LGR5: variants seen among roughly 807,000 people sequenced by gnomAD.
LGR5 encodes the protein leucine rich repeat containing G protein-coupled receptor 5, also known as leucine-rich repeat-containing G protein-coupled receptor 5.
LGR5 carries 54 observed loss-of-function variants against 76.7 expected under a neutral mutation model. That is an observed-to-expected ratio of 0.70 (90% CI 0.57 to 0.88). The LOEUF (loss-of-function observed/expected upper bound fraction) is 0.88. Among genes scored for constraint, LGR5 ranks in the 40% least tolerant of loss-of-function variants. LGR5 has a pLI of 0.00. For missense variants in LGR5, 1,078 were observed against 1,073.3 expected, an observed-to-expected ratio of 1.00 and a Z score of -0.06; for synonymous variants, 406 against 421.9, an observed-to-expected ratio of 0.96 and a Z score of 0.46.
chr12:71,518,436 T>G (rs892417413), intron 2 of LGR5, among the ~76,000 whole-genome samples: 21 of 152,184 alleles, frequency 1.4e-4, no homozygotes, highest in Admixed American at 6.5e-5. Flanking sequence ...GTGAAGACAG[T>G]GTGGCTATTC....
intron 1 of LGR5, among the ~76,000 whole-genome samples, chr12:71,484,605 T>A (rs1033686600): frequency 6.6e-6 from 1 of 152,182 alleles, no homozygotes; most frequent in African/African-American, 2.4e-5. Flanking sequence ...GGCTTTTGAT[T>A]CTGGATGTTC....
At chr12:71,458,574 CTGTT>C (rs1256685861) in intron 1 of LGR5, among the ~76,000 whole-genome samples, 2 of 152,068 alleles carry the variant, frequency 1.3e-5, no homozygotes, top group African/African-American at 2.4e-5. Flanking sequence ...AAATGTAAGT[CTGTT>C]TGTACTTTCT....
intron 4 of LGR5, among the ~76,000 whole-genome samples, chr12:71,540,487 G>T (rs894513681): frequency 6.6e-6 from 1 of 152,110 alleles, no homozygotes; most frequent in African/African-American, 2.4e-5. Context: ...TATAATTTCT[G>T]CCTGGCACAC....
chr12:71,575,589 TA>T (rs1451581062), intron 13 of LGR5, among the ~76,000 whole-genome samples: 50 of 152,232 alleles, frequency 3.3e-4, no homozygotes, highest in African/African-American at 1.2e-3. Context: ...TGGGCACCTG[TA>T]ATCCCAGCTA....
intron 3 of LGR5, among the ~76,000 whole-genome samples, chr12:71,529,000 T>C (rs1876160194): frequency 6.6e-6 from 1 of 152,238 alleles, no homozygotes; most frequent in South Asian, 2.1e-4. Flanking sequence ...AGAATTATTT[T>C]GACACTATTC....
At chr12:71,514,998 T>C (rs1199433314) in intron 2 of LGR5, among the ~76,000 whole-genome samples, 2 of 152,196 alleles carry the variant, frequency 1.3e-5, no homozygotes, top group Non-Finnish European at 2.9e-5. Context: ...CTGCAAATCT[T>C]ACCAAAGATG....
intron 2 of LGR5, among the ~76,000 whole-genome samples, chr12:71,507,243 A>G (rs1455116559): frequency 6.6e-6 from 1 of 152,204 alleles, no homozygotes; most frequent in African/African-American, 2.4e-5. Flanking sequence ...CAAAGCTAAG[A>G]TTCAAAATGA....
chr12:71,581,674 C>CA (rs1256846843), intron 16 of LGR5, among the ~76,000 whole-genome samples: 2 of 152,172 alleles, frequency 1.3e-5, no homozygotes, highest in African/African-American at 4.8e-5. Context: ...AATTTCTCTC[C>CA]AAAATTATTC....
At chr12:71,503,220 A>C (rs898333704) in intron 1 of LGR5, among the ~76,000 whole-genome samples, 1 of 135,750 alleles carries the variant, frequency 7.4e-6, no homozygotes, top group Admixed American at 7.0e-5. Context: ...ATGTTTGCCA[A>C]AAAAAATGAA....
At chr12:71,460,167 C>T (rs1411279166) in intron 1 of LGR5, among the ~76,000 whole-genome samples, 1 of 151,972 alleles carries the variant, frequency 6.6e-6, no homozygotes, top group African/African-American at 2.4e-5. Flanking sequence ...TCAGGACCCA[C>T]ATCAGTGCAG....
intron 1 of LGR5, among the ~76,000 whole-genome samples, chr12:71,469,551 G>A (rs541996355): frequency 9.5e-4 from 144 of 152,342 alleles, no homozygotes; most frequent in Non-Finnish European, 1.8e-3. Flanking sequence ...ACAGTGATCT[G>A]ACAGAAAGCG....
intron 2 of LGR5, among the ~76,000 whole-genome samples, chr12:71,507,733 TTC>T (rs151033755): frequency 4.3e-4 from 64 of 149,434 alleles, no homozygotes; most frequent in Non-Finnish European, 4.3e-4. Context: ...AACTCTCTCT[TTC>T]TCTCTCTCTC....
In LGR5 at chr12:71,499,974, G is replaced by C. The variant is rs551839664; in HGVS notation, c.213-4640G>C. ...CAGCAGTACAAGGGCTTAACCAAAG[G>C]CAGCCAAGAAGAAAGAAAAGGGGCC... On this transcript the variant is annotated intron_variant, in intron 1 of 17. Transcript: ENST00000266674. 3.9e-5 allele frequency among the ~76,000 whole-genome samples: 6 copies of C among 152,094 alleles called. No individual in the cohort carries two copies. In the South Asian group the frequency reaches 1.2e-3, roughly 32 times the overall value.
intron 1 of LGR5, among the ~76,000 whole-genome samples, chr12:71,497,246 T>C (rs2137290981): frequency 6.6e-6 from 1 of 151,678 alleles, no homozygotes; most frequent in South Asian, 2.1e-4. Flanking sequence ...GACTTGGAGG[T>C]TGTGGCTGCA....
chr12:71,541,876 A>G (rs1469761003), intron 4 of LGR5, among the ~76,000 whole-genome samples: 2 of 152,148 alleles, frequency 1.3e-5, no homozygotes, highest in African/African-American at 4.8e-5. Flanking sequence ...TGACCATTTC[A>G]CCACCACATT....
chr12:71,548,081 G>A (rs1482013416), intron 4 of LGR5, among the ~76,000 whole-genome samples: 2 of 152,162 alleles, frequency 1.3e-5, no homozygotes, highest in Non-Finnish European at 2.9e-5. Context: ...TCTGAATGAA[G>A]GCAAGGCCAC....
chr12:71,581,717 T>C (rs566810745), intron 16 of LGR5, among the ~76,000 whole-genome samples: 15 of 152,226 alleles, frequency 9.9e-5, no homozygotes, highest in Non-Finnish European at 1.8e-4. Flanking sequence ...CAAAAAGTTA[T>C]TAGAGAGCCT....
intron 4 of LGR5, among the ~76,000 whole-genome samples, chr12:71,549,858 A>G (rs1027469432): frequency 4.6e-5 from 7 of 152,148 alleles, no homozygotes; most frequent in African/African-American, 1.7e-4. Flanking sequence ...TCTCTGAAGA[A>G]TTCTCCTGTC....
intron 8 of LGR5, among the ~76,000 whole-genome samples, chr12:71,563,744 T>C (rs1393351691): frequency 6.6e-6 from 1 of 152,170 alleles, no homozygotes; most frequent in Non-Finnish European, 1.5e-5. Context: ...TTATAATCTC[T>C]CCCGAACATA....
Sources: allele counts gnomAD v4.1 joint callset (sites outside exome capture counted in the v4.1 genomes callset), GRCh38; gene constraint gnomAD v4.1.1; transcripts MANE v1.5; gene names NCBI Gene and HGNC (gene_info 2026-07-23, HGNC 2026-07-21).